Variants in LIN28B observed in about 807,000 individuals in gnomAD.
LIN28B encodes the protein protein lin-28 homolog B.
LIN28B carries 5 observed loss-of-function variants against 21.9 expected under a neutral mutation model. The ratio of observed to expected loss-of-function variants is 0.23; its 90% CI spans 0.12 to 0.48. The LOEUF (loss-of-function observed/expected upper bound fraction) is 0.48, where lower values mean the gene tolerates loss of function less well. Among genes scored for constraint, LIN28B ranks in the 20% least tolerant of loss-of-function variants. The pLI is 0.98. For missense variants in LIN28B, 245 were observed against 310.5 expected (o/e 0.79, Z 1.58); for synonymous variants, 109 against 111.3 (o/e 0.98, Z 0.13).
intron 2 of LIN28B, chr6:104,940,480 C>T (rs564200721): frequency 6.5e-6 from 1 of 153,834 alleles, no homozygotes; most frequent in African/African-American, 2.4e-5. Flanking sequence ...CGCGGGGACG[C>T]GCTTCGGGGG....
At chr6:105,064,123 G>A (rs1772178054) in intron 3 of LIN28B, among the ~76,000 whole-genome samples, 1 of 152,052 alleles carries the variant, frequency 6.6e-6, no homozygotes, top group East Asian at 1.9e-4. Flanking sequence ...TTATGTAGTG[G>A]CTCTGTGGTG....
chr6:105,055,174 G>A (rs1037350201), intron 3 of LIN28B, among the ~76,000 whole-genome samples: 3 of 152,042 alleles, frequency 2.0e-5, no homozygotes, highest in African/African-American at 7.2e-5. Flanking sequence ...GAGCTTTTTG[G>A]ATTTGTTGAT....
At chr6:105,055,919 C>CTTTTT (rs71006633) in intron 3 of LIN28B, among the ~76,000 whole-genome samples, 6 of 83,368 alleles carry the variant, frequency 7.2e-5, no homozygotes, top group African/African-American at 1.4e-4. Flanking sequence ...CCATGCCTGG[C>CTTTTT]TTTTTTTTTT....
intron 2 of LIN28B, among the ~76,000 whole-genome samples, chr6:104,968,187 A>G (rs190237119): frequency 6.6e-5 from 10 of 152,308 alleles, no homozygotes; most frequent in Admixed American, 5.9e-4. Context: ...AGTTTTTTCC[A>G]GTTAATTCTC....
At chr6:105,077,432 T>C (rs1265944127) in intron 3 of LIN28B, among the ~76,000 whole-genome samples, 2 of 151,208 alleles carry the variant, frequency 1.3e-5, no homozygotes, top group Admixed American at 6.7e-5. Context: ...GGTTTTTTTG[T>C]TACTTTTAAT....
At chr6:104,971,330 A>G (rs1213012448) in intron 2 of LIN28B, among the ~76,000 whole-genome samples, 1 of 152,116 alleles carries the variant, frequency 6.6e-6, no homozygotes, top group African/African-American at 2.4e-5. Flanking sequence ...TTTACATAAA[A>G]AATTCTTCCT....
intron 2 of LIN28B, among the ~76,000 whole-genome samples, chr6:105,017,072 C>CAAAAAAA (rs56179020): frequency 5.1e-4 from 44 of 85,966 alleles, no homozygotes; most frequent in Non-Finnish European, 7.8e-4. Flanking sequence ...GACTCTGTCT[C>CAAAAAAA]AAAAAAAAAA....
At chr6:104,939,048 T>C (rs1254528909) in intron 2 of LIN28B, among the ~76,000 whole-genome samples, 2 of 152,256 alleles carry the variant, frequency 1.3e-5, no homozygotes, top group East Asian at 1.9e-4. Context: ...CCTAGAAACA[T>C]AGCTATTAAA....
intron 2 of LIN28B, among the ~76,000 whole-genome samples, chr6:105,020,775 C>T (rs1253509558): frequency 2.0e-4 from 21 of 106,860 alleles, no homozygotes; most frequent in Admixed American, 1.1e-3. Context: ...TTTTTTGAGA[C>T]GAAGTCTCGC....
intron 2 of LIN28B, among the ~76,000 whole-genome samples, chr6:105,004,114 C>G (rs746170194): frequency 6.6e-5 from 10 of 152,126 alleles, no homozygotes; most frequent in Admixed American, 3.3e-4. Flanking sequence ...GGCTGGGAGG[C>G]TAGGCCAGTC....
intron 3 of LIN28B, among the ~76,000 whole-genome samples, chr6:105,045,866 C>A (rs1046532914): frequency 4.6e-5 from 7 of 152,070 alleles, no homozygotes; most frequent in African/African-American, 1.7e-4. Flanking sequence ...CCATGACTCT[C>A]CAAGTGATCA....
chr6:105,011,884 G>A (rs1770931420), intron 2 of LIN28B, among the ~76,000 whole-genome samples: 1 of 151,874 alleles, frequency 6.6e-6, no homozygotes, highest in South Asian at 2.1e-4. Flanking sequence ...TGCCGGCCAG[G>A]TGTGGTGTCT....
chr6:104,958,007 C>T (rs961810098), intron 1 of LIN28B, 92 bp from the exon 2 acceptor site: 2 of 948,548 alleles, frequency 2.1e-6, no homozygotes, highest in South Asian at 3.5e-5. Context: ...ACCCTTCCCC[C>T]CCAACCCCAG....
chr6:104,953,953 C>G (rs879400024), upstream of LIN28B, among the ~76,000 whole-genome samples: 23 of 152,140 alleles, frequency 1.5e-4, no homozygotes, highest in Non-Finnish European at 5.9e-5. Context: ...TCTTTCGGCT[C>G]CTTGTACTGT....
At chr6:104,954,455 TC>T (rs1778259368), upstream of LIN28B, among the ~76,000 whole-genome samples, 1 of 152,192 alleles carries the variant, frequency 6.6e-6, no homozygotes, top group Non-Finnish European at 1.5e-5. Flanking sequence ...TGTGTCTCCT[TC>T]CTTTACTTCT....
intron 3 of LIN28B, among the ~76,000 whole-genome samples, chr6:105,053,790 T>G (rs1582921962): frequency 6.6e-6 from 1 of 151,790 alleles, no homozygotes; most frequent in East Asian, 1.9e-4. Context: ...TGGAGTGCAA[T>G]GGCACAATCT....
intron 2 of LIN28B, among the ~76,000 whole-genome samples, chr6:104,976,776 A>T: frequency 6.6e-6 from 1 of 152,230 alleles, no homozygotes; most frequent in East Asian, 1.9e-4. Flanking sequence ...ATGTCTGGTT[A>T]GAGCATGGGG....
intron 2 of LIN28B, among the ~76,000 whole-genome samples, chr6:104,977,091 C>T (rs1405668250): frequency 6.6e-6 from 1 of 151,922 alleles, no homozygotes; most frequent in South Asian, 2.1e-4. Context: ...GTGACATGAT[C>T]ATAGCTCACT....
At chr6:105,009,360 C>T (rs1287005386) in intron 2 of LIN28B, among the ~76,000 whole-genome samples, 1 of 152,012 alleles carries the variant, frequency 6.6e-6, no homozygotes, top group Non-Finnish European at 1.5e-5. Flanking sequence ...GAAGCATTTC[C>T]CTGATCTCCA....
Sources: gnomAD v4.1 joint callset for allele counts (sites outside exome capture counted in the v4.1 genomes callset) on GRCh38, gnomAD v4.1.1 for gene constraint, MANE v1.5 for transcripts, NCBI Gene and HGNC (gene_info 2026-07-23, HGNC 2026-07-21) for gene names.